CROCC: variants seen among roughly 807,000 people sequenced by gnomAD.
CROCC encodes ciliary rootlet coiled-coil, rootletin.
In CROCC, 180 loss-of-function variants were observed where a neutral mutation model predicts 245.2. The observed-to-expected ratio is 0.73, with a 90% confidence interval of 0.65 to 0.83. The LOEUF is 0.83. CROCC is among the 40% of genes least tolerant of loss of function. The pLI is 0.00. For missense variants in CROCC, 2,688 were observed against 2,779.4 expected, an observed-to-expected ratio of 0.97 and a Z score of 0.74; for synonymous variants, 1,205 against 1,241.6, an observed-to-expected ratio of 0.97 and a Z score of 0.62.
At chr1:16,947,926 C>T (rs1446942158) in intron 17 of CROCC, among the ~76,000 whole-genome samples, 2 of 152,224 alleles carry the variant, frequency 1.3e-5, no homozygotes, top group Non-Finnish European at 2.9e-5. Flanking sequence ...GCAACCTCCG[C>T]CTCCAGGGTT....
intron 15 of CROCC, 120 bp from the exon 16 acceptor site, chr1:16,946,139 C>T: frequency 1.8e-6 from 2 of 1,141,656 alleles, no homozygotes; most frequent in African/African-American, 3.0e-5. Flanking sequence ...CACACTGTGT[C>T]CCCTCCTTGT....
intron 13 of CROCC, among the ~76,000 whole-genome samples, chr1:16,940,489 A>G (rs2075905803): frequency 1.3e-5 from 2 of 152,092 alleles, no homozygotes. Context: ...CCCGGGTTTA[A>G]GCAATTCTCA....
At position 16,971,604 on chromosome 1, in the gene CROCC, G is replaced by A. The variant is rs182151612; in HGVS notation, c.5924G>A (p.Arg1975Gln). 1.1e-5 allele frequency: 16 copies of A among 1,521,204 alleles called. No homozygotes were observed. The highest frequency in any genetic ancestry group is 2.0e-4 in the Middle Eastern group (1 of 4,888). 94.2% of individuals were successfully genotyped at this position (1,521,204 alleles called of 1,614,324 possible). ...QAQTERTLEA[R>Q]ERAHRQRVRG... ...CAGACTGAGCGCACCCTGGAGGCTCGGGAGCGGGCCCACCGCCAGAGGGTG... is the reference window on the plus strand; with the variant it reads ...CAGACTGAGCGCACCCTGGAGGCTCAGGAGCGGGCCCACCGCCAGAGGGTG... The change falls in exon 36 of 37, where the codon CGG becomes CAG. Residue 1975 changes from arginine (R) to glutamine (Q), a missense_variant. By Grantham distance (43) the Arg-to-Gln change is conservative. Coordinates refer to ENST00000375541, the MANE Select transcript of CROCC (RefSeq NM_014675.5).
chr1:16,933,628 A>ATG (rs2075727935), intron 8 of CROCC, among the ~76,000 whole-genome samples: 1 of 151,872 alleles, frequency 6.6e-6, no homozygotes, highest in Non-Finnish European at 1.5e-5. Context: ...GTGAAGTGGC[A>ATG]CGATCTTGGC....
chr1:16,934,896 T>C (rs1487561376), intron 8 of CROCC, among the ~76,000 whole-genome samples: 1 of 145,806 alleles, frequency 6.9e-6, no homozygotes, highest in Non-Finnish European at 1.5e-5. Context: ...CAGTTTCTTT[T>C]TTTTTTTTTT....
At chr1:16,925,236 G>A (rs1382348621) in intron 3 of CROCC, among the ~76,000 whole-genome samples, 2 of 152,292 alleles carry the variant, frequency 1.3e-5, no homozygotes, top group Non-Finnish European at 2.9e-5. Flanking sequence ...GAGGCATGCA[G>A]GTGGCAATAA....
At chr1:16,950,106 C>G (rs1364477170) in intron 19 of CROCC, among the ~76,000 whole-genome samples, 2 of 152,002 alleles carry the variant, frequency 1.3e-5, no homozygotes, top group East Asian at 3.9e-4. Flanking sequence ...TCTTGTTGCC[C>G]AGGCTGGAGT....
At position 16,968,194 on chromosome 1, in the gene CROCC, CA is replaced by C. The variant is rs748206917; in HGVS notation, c.4861-8del. On this transcript the variant is annotated splice_region_variant and splice_polypyrimidine_tract_variant and intron_variant, in intron 30 of 36. Transcript: ENST00000375541. ...GGACGTCTGGGCCTGAGCCCCATGC[CA>C]CCTGCAGGAGAAGATCAGCAAGATG... 87 of 1,556,008 alleles carry C rather than the reference CA, an allele frequency of 5.6e-5. No homozygotes were observed. Among genetic ancestry groups the C allele is most frequent in the Non-Finnish European group, 7.5e-5 (86 of 1,151,004 alleles).
At chr1:16,935,257 A>T (rs534020297) in intron 8 of CROCC, among the ~76,000 whole-genome samples, 39 of 152,182 alleles carry the variant, frequency 2.6e-4, no homozygotes, top group Non-Finnish European at 4.0e-4. Flanking sequence ...AAAGCAGATC[A>T]CACACACACA....
chr1:16,923,655 C>G (rs1459497484), intron 2 of CROCC, among the ~76,000 whole-genome samples: 1 of 147,072 alleles, frequency 6.8e-6, no homozygotes, highest in African/African-American at 2.5e-5. Flanking sequence ...CTGGGAGGAT[C>G]TGGTTACTAC....
intron 15 of CROCC, among the ~76,000 whole-genome samples, chr1:16,945,822 C>G (rs955360104): frequency 2.0e-5 from 3 of 152,294 alleles, no homozygotes; most frequent in African/African-American, 7.2e-5. Context: ...TCTTTATGGC[C>G]GTATCCCTGC....
intron 26 of CROCC, among the ~76,000 whole-genome samples, chr1:16,960,477 C>T (rs1284791585): frequency 1.3e-5 from 2 of 152,224 alleles, no homozygotes; most frequent in Non-Finnish European, 2.9e-5. Context: ...TACTTAGTGC[C>T]TGGCACTGAT....
In CROCC at chr1:16,929,942, G is replaced by A. The variant is rs773868044; in HGVS notation, c.448G>A (p.Glu150Lys). The A allele has an allele frequency of 1.3e-6, 2 of 1,587,370 alleles. No individual in the cohort carries two copies. The highest frequency in any genetic ancestry group is 1.7e-6 in the Non-Finnish European group (2 of 1,170,268). ...QSVELRRQLQ[E>K]EQASYRRKLQ... ...CGTGGAGTTGCGGAGGCAGCTGCAGGAGGAGCAGGCCTCCTACCGGCGCAA... is the reference window on the plus strand; with the variant it reads ...CGTGGAGTTGCGGAGGCAGCTGCAGAAGGAGCAGGCCTCCTACCGGCGCAA... The change falls in exon 4 of 37, where the codon GAG becomes AAG. Residue 150 changes from glutamate (E) to lysine (K), a missense_variant. By Grantham distance (56) the Glu-to-Lys change is moderately conservative. Coordinates refer to ENST00000375541, the MANE Select transcript of CROCC (RefSeq NM_014675.5).
At chr1:16,930,804 T>C (rs1261106607) in intron 7 of CROCC, among the ~76,000 whole-genome samples, 4 of 152,294 alleles carry the variant, frequency 2.6e-5, no homozygotes, top group South Asian at 4.1e-4. Context: ...TTCCTCATGA[T>C]AACTGCATGT....
Position 16,954,957 on chromosome 1 carries a change from A to C in CROCC, c.3465+80A>C. ...TGGGGGCCTAGTTCCCCAGGGCCCC[A>C]GAAGAGTGTAAGATTCCTCCCTGCA... On this transcript the variant is annotated intron_variant, in intron 23 of 36. Coordinates refer to ENST00000375541, the MANE Select transcript of CROCC (RefSeq NM_014675.5). The surrounding 1 kb of genome is among the most constrained non-coding windows in gnomAD (Gnocchi z 4.4). 7.0e-7 allele frequency: 1 copy of C among 1,428,272 alleles called. No homozygotes were observed. Among genetic ancestry groups the C allele is most frequent in the African/African-American group, 1.4e-5 (1 of 69,612 alleles). 88.5% of individuals were successfully genotyped at this position (1,428,272 alleles called of 1,614,324 possible).
In CROCC at chr1:16,948,199, C is replaced by G. The variant is rs1327311203; in HGVS notation, c.2515-132C>G. The G allele has an allele frequency of 3.1e-5, 44 of 1,408,052 alleles. No homozygotes were observed. The African/African-American group carries it at 5.5e-4, about 18-fold the overall frequency. The allele number at this position is 1,408,052 out of a possible 1,614,324, so 87.2% of individuals were successfully genotyped here. ...TCATGACTTGCCCAAGTACATGTAG[C>G]ACATCAGGGCAGACCCTGGGCTCAA... On this transcript the variant is annotated intron_variant, in intron 17 of 36. Coordinates refer to ENST00000375541, the MANE Select transcript of CROCC (RefSeq NM_014675.5).
intron 20 of CROCC, 22 bp downstream of exon 20, chr1:16,951,144 TG>T: frequency 1.4e-6 from 2 of 1,467,618 alleles, no homozygotes; most frequent in South Asian, 1.4e-5. Flanking sequence ...TGGGGAGGGG[TG>T]GGCAGGACTC....
rs766505719 is a variant in CROCC, at chr1:16,948,423, T to G, written c.2607T>G (p.Arg869=). ...TGGAGGCGCTGGAGCGAGCGGCCCGTGAGAAGGAGGCGCTAGCCAAGGAGC... is the reference window on the plus strand; with the variant it reads ...TGGAGGCGCTGGAGCGAGCGGCCCGGGAGAAGGAGGCGCTAGCCAAGGAGC... ...RQVEALERAA[R]EKEALAKEHA... is the part of the protein sequence containing the mutation. The change falls in exon 18 of 37, where the codon CGT becomes CGG. Residue 869 remains arginine (R), a synonymous_variant. Coordinates refer to ENST00000375541, the MANE Select transcript of CROCC (RefSeq NM_014675.5). 59 of 1,571,650 alleles carry G rather than the reference T, an allele frequency of 3.8e-5. No homozygotes were observed. The highest frequency in any genetic ancestry group is 1.1e-4 in the African/African-American group (8 of 74,506).
At chr1:16,943,891 G>T (rs530829435) in intron 13 of CROCC, among the ~76,000 whole-genome samples, 129 of 152,400 alleles carry the variant, frequency 8.5e-4, no homozygotes, top group Non-Finnish European at 1.5e-3. Flanking sequence ...CCAAGTGGGC[G>T]GACTGGAGAG....
Sources: gnomAD v4.1 joint callset for allele counts (sites outside exome capture counted in the v4.1 genomes callset) on GRCh38, gnomAD v4.1.1 for gene constraint, Gnocchi (gnomAD v3.1) non-coding constraint, MANE v1.5 for transcripts, NCBI Gene and HGNC (gene_info 2026-07-23, HGNC 2026-07-21) for gene names.